DYM: variants seen among roughly 807,000 people sequenced by gnomAD.
The protein encoded by DYM is dymeclin, also known as dyggve-Melchior-Clausen syndrome protein.
A neutral mutation model predicts 93.1 loss-of-function variants in DYM; 78 were observed. The ratio of observed to expected loss-of-function variants is 0.84; its 90% CI spans 0.70 to 1.01. The LOEUF is 1.01. DYM is among the 50% of genes least tolerant of loss of function. DYM has a pLI of 0.00. For synonymous variants in DYM, 321 were observed against 319.7 expected, an observed-to-expected ratio of 1.00 and a Z score of -0.04; for missense variants, 789 against 845.0, an observed-to-expected ratio of 0.93 and a Z score of 0.82.
intron 2 of DYM, among the ~76,000 whole-genome samples, chr18:49,394,200 A>G (rs1360514351): frequency 6.6e-6 from 1 of 152,208 alleles, no homozygotes; most frequent in Non-Finnish European, 1.5e-5. Flanking sequence ...ACTACTTACT[A>G]GATAGTTGAG....
At chr18:49,181,621 CG>C (rs1276239692) in intron 14 of DYM, among the ~76,000 whole-genome samples, 1 of 152,066 alleles carries the variant, frequency 6.6e-6, no homozygotes, top group Non-Finnish European at 1.5e-5. Flanking sequence ...GTGCTCAAAA[CG>C]TTCTGAATTT....
chr18:49,344,903 A>G (rs1568288386), intron 6 of DYM, among the ~76,000 whole-genome samples: 1 of 152,208 alleles, frequency 6.6e-6, no homozygotes, highest in Admixed American at 6.5e-5. Flanking sequence ...ATAAATAAAT[A>G]TGTTATACAT....
intron 6 of DYM, among the ~76,000 whole-genome samples, chr18:49,339,951 G>A (rs1339584846): frequency 6.6e-6 from 1 of 151,986 alleles, no homozygotes; most frequent in Non-Finnish European, 1.5e-5. Flanking sequence ...TTGTTTGTTT[G>A]TTTGTTTGTT....
chr18:49,218,313 T>C (rs552611271), intron 13 of DYM, among the ~76,000 whole-genome samples: 2 of 152,274 alleles, frequency 1.3e-5, no homozygotes, highest in African/African-American at 2.4e-5. Context: ...ATGGGAGACT[T>C]TAACACCCCA....
chr18:49,180,441 C>A (rs1025181184), intron 14 of DYM, among the ~76,000 whole-genome samples: 1 of 151,950 alleles, frequency 6.6e-6, no homozygotes, highest in Non-Finnish European at 1.5e-5. Flanking sequence ...TTATCAGTAA[C>A]CTATATGGAC....
At chr18:49,227,351 T>C (rs2093569442) in intron 13 of DYM, among the ~76,000 whole-genome samples, 4 of 152,190 alleles carry the variant, frequency 2.6e-5, no homozygotes, top group Non-Finnish European at 4.4e-5. Flanking sequence ...TGATTAAATA[T>C]TTATGTCATA....
chr18:49,446,876 C>T (rs537489563), intron 1 of DYM, among the ~76,000 whole-genome samples: 4 of 151,880 alleles, frequency 2.6e-5, no homozygotes, highest in African/African-American at 7.2e-5. Flanking sequence ...CTGGCCAACA[C>T]GGTGAAATTC....
intron 10 of DYM, among the ~76,000 whole-genome samples, chr18:49,281,641 G>A (rs1273287744): frequency 3.3e-5 from 5 of 152,124 alleles, no homozygotes; most frequent in South Asian, 2.1e-4. Flanking sequence ...GGATGGGTTC[G>A]TGTCCTTTGT....
At chr18:49,190,352 G>A (rs1047577502) in intron 14 of DYM, among the ~76,000 whole-genome samples, 1 of 152,050 alleles carries the variant, frequency 6.6e-6, no homozygotes, top group Non-Finnish European at 1.5e-5. Context: ...TGGTTACATT[G>A]CTATCTTTAA....
chr18:49,418,508 C>G lies in DYM; in HGVS notation c.140+11747G>C, dbSNP rs368208292. Reference sequence around the variant, plus strand: ...GATTTTAGAACCACACCTGGAAACTCTTACAAAATCTGATTACTCTGATGC... The same window carrying G: ...GATTTTAGAACCACACCTGGAAACTGTTACAAAATCTGATTACTCTGATGC... On this transcript the variant is annotated intron_variant, in intron 2 of 17. Coordinates refer to ENST00000675505, the MANE Select transcript of DYM (RefSeq NM_001353214.3). Among the ~76,000 whole-genome samples the G allele has an allele frequency of 4.4e-4, 67 of 152,246 alleles. 1 individual carries two copies. The South Asian group carries it at 0.013, about 31-fold the overall frequency.
chr18:49,312,582 GC>G (rs2061666680), intron 8 of DYM, among the ~76,000 whole-genome samples: 1 of 152,190 alleles, frequency 6.6e-6, no homozygotes, highest in African/African-American at 2.4e-5. Context: ...TCTGCTGAAA[GC>G]CATTTTCATA....
At chr18:49,213,765 A>C (rs183569863) in intron 13 of DYM, among the ~76,000 whole-genome samples, 1 of 152,284 alleles carries the variant, frequency 6.6e-6, no homozygotes, top group Non-Finnish European at 1.5e-5. Flanking sequence ...CCTTTGAGAA[A>C]GCTCATTAGT....
At chr18:49,279,357 C>T (rs1254158692) in intron 10 of DYM, among the ~76,000 whole-genome samples, 1 of 152,084 alleles carries the variant, frequency 6.6e-6, no homozygotes, top group African/African-American at 2.4e-5. Context: ...TCAAAGACTG[C>T]AGAATAAAAG....
chr18:49,261,500 G>T (rs182492909), intron 11 of DYM, among the ~76,000 whole-genome samples: 3 of 152,124 alleles, frequency 2.0e-5, no homozygotes, highest in African/African-American at 7.2e-5. Flanking sequence ...GTGAAACCCC[G>T]TCTCTACTAA....
chr18:49,059,477 G>T (rs1201437234), intron 17 of DYM, among the ~76,000 whole-genome samples: 1 of 152,156 alleles, frequency 6.6e-6, no homozygotes. Flanking sequence ...ATACAATGGT[G>T]ATACAAAATA....
At chr18:49,333,608 T>C (rs1421139480) in intron 7 of DYM, 120 bp downstream of exon 7, 2 of 1,131,038 alleles carry the variant, frequency 1.8e-6, no homozygotes, top group Non-Finnish European at 2.6e-6. Flanking sequence ...AAAGAGACAA[T>C]AGAACAACTA....
chr18:49,108,915 ACGT>A (rs2081134223), intron 16 of DYM, among the ~76,000 whole-genome samples: 2 of 152,176 alleles, frequency 1.3e-5, no homozygotes, highest in African/African-American at 4.8e-5. Flanking sequence ...TATGGTTGTT[ACGT>A]CTCCTTGGTG....
intron 8 of DYM, among the ~76,000 whole-genome samples, chr18:49,288,983 A>G (rs1327522734): frequency 6.6e-6 from 1 of 152,218 alleles, no homozygotes; most frequent in African/African-American, 2.4e-5. Flanking sequence ...AACCATTCAC[A>G]TAGTACAATT....
intron 6 of DYM, among the ~76,000 whole-genome samples, chr18:49,347,013 T>G (rs770666977): frequency 2.6e-5 from 4 of 152,186 alleles, no homozygotes; most frequent in Middle Eastern, 3.2e-3. Context: ...AAAGCCTACT[T>G]TATAATAAAG....
Sources: allele counts gnomAD v4.1 joint callset (sites outside exome capture counted in the v4.1 genomes callset), GRCh38; gene constraint gnomAD v4.1.1; transcripts MANE v1.5; gene names NCBI Gene and HGNC (gene_info 2026-07-23, HGNC 2026-07-21).